Variants in FAM107B observed in about 807,000 individuals in gnomAD.
FAM107B encodes the protein family with sequence similarity 107 member B.
A neutral mutation model predicts 31.5 loss-of-function variants in FAM107B; 21 were observed. The ratio of observed to expected loss-of-function variants is 0.67; its 90% CI spans 0.47 to 0.96. The LOEUF (loss-of-function observed/expected upper bound fraction) is 0.96. Among genes scored for constraint, FAM107B ranks in the 40% least tolerant of loss-of-function variants. The pLI is 0.00. For synonymous variants in FAM107B, 157 were observed against 141.5 expected (o/e 1.11, Z -0.78); for missense variants, 452 against 377.1 (o/e 1.20, Z -1.64).
chr10:14,638,614 T>C (rs1395334929), intron 2 of FAM107B, among the ~76,000 whole-genome samples: 1 of 152,162 alleles, frequency 6.6e-6, no homozygotes, highest in African/African-American at 2.4e-5. Flanking sequence ...CTACCTATTT[T>C]TGCCTGCCTT....
chr10:14,528,681 T>C (rs1846602840), intron 3 of FAM107B, among the ~76,000 whole-genome samples: 2 of 152,208 alleles, frequency 1.3e-5, no homozygotes, highest in Non-Finnish European at 2.9e-5. Context: ...CCCAGCATTG[T>C]CTCAGGTTAG....
intron 1 of FAM107B, among the ~76,000 whole-genome samples, chr10:14,707,253 T>C (rs935780869): frequency 6.6e-6 from 1 of 152,172 alleles, no homozygotes; most frequent in South Asian, 2.1e-4. Context: ...TGTGGAAAGA[T>C]GATTTTAAGT....
At chr10:14,762,520 C>T (rs181064971) in intron 1 of FAM107B, among the ~76,000 whole-genome samples, 18 of 151,984 alleles carry the variant, frequency 1.2e-4, no homozygotes, top group African/African-American at 4.4e-4. Context: ...TATAAGAGGC[C>T]GAGGCAGGCA....
At chr10:14,581,813 G>A (rs565973252) in intron 2 of FAM107B, among the ~76,000 whole-genome samples, 53 of 152,310 alleles carry the variant, frequency 3.5e-4, no homozygotes, top group African/African-American at 1.3e-3. Context: ...TGGGGTGGGA[G>A]GATCACTTGA....
At chr10:14,543,343 C>T (rs1485708931) in intron 2 of FAM107B, among the ~76,000 whole-genome samples, 1 of 152,134 alleles carries the variant, frequency 6.6e-6, no homozygotes, top group East Asian at 1.9e-4. Flanking sequence ...TTCTAAAAAA[C>T]ATGACTGGCA....
chr10:14,557,207 T>C (rs1355999111), intron 2 of FAM107B, among the ~76,000 whole-genome samples: 3 of 152,246 alleles, frequency 2.0e-5, no homozygotes, highest in Admixed American at 6.5e-5. Context: ...GTTTAATTTA[T>C]TGCCAGCCCC....
chr10:14,671,839 C>T (rs1159716480), intron 1 of FAM107B, among the ~76,000 whole-genome samples: 1 of 148,762 alleles, frequency 6.7e-6, no homozygotes, highest in East Asian at 2.0e-4. Context: ...CTGGACTTTT[C>T]CGCATAAGGC....
At chr10:14,707,451 A>T (rs1016589722) in intron 1 of FAM107B, among the ~76,000 whole-genome samples, 2 of 152,180 alleles carry the variant, frequency 1.3e-5, no homozygotes, top group African/African-American at 4.8e-5. Flanking sequence ...GATCTCTAAT[A>T]GGAGCTGAGG....
At chr10:14,667,719 A>AG (rs1229780243) in intron 1 of FAM107B, 28 bp from the exon 2 acceptor site, 3 of 1,613,026 alleles carry the variant, frequency 1.9e-6, no homozygotes, top group Non-Finnish European at 2.5e-6. Flanking sequence ...AAACCAGAAA[A>AG]GCAGGGAGAA....
chr10:14,528,472 G>A (rs1441992472), intron 3 of FAM107B, among the ~76,000 whole-genome samples: 1 of 152,142 alleles, frequency 6.6e-6, no homozygotes, highest in Non-Finnish European at 1.5e-5. Flanking sequence ...GTGATCCACG[G>A]TGCCCAGCCT....
intron 1 of FAM107B, among the ~76,000 whole-genome samples, chr10:14,763,666 G>A (rs1298417077): frequency 1.3e-5 from 2 of 152,142 alleles, no homozygotes; most frequent in African/African-American, 2.4e-5. Flanking sequence ...GAAAAGACCT[G>A]GGGATGAAAG....
chr10:14,604,251 C>G, intron 2 of FAM107B: 1 of 979,624 alleles, frequency 1.0e-6, no homozygotes, highest in African/African-American at 1.8e-5. Flanking sequence ...TCGGCGCGCG[C>G]ACAAAGGCGC....
At chr10:14,596,909 A>C (rs987491599) in intron 2 of FAM107B, among the ~76,000 whole-genome samples, 1 of 152,182 alleles carries the variant, frequency 6.6e-6, no homozygotes, top group Non-Finnish European at 1.5e-5. Flanking sequence ...GAAGTAGGTG[A>C]GTGTGACTAT....
intron 1 of FAM107B, among the ~76,000 whole-genome samples, chr10:14,727,544 C>A (rs1009737471): frequency 2.0e-5 from 3 of 152,228 alleles, no homozygotes; most frequent in African/African-American, 7.2e-5. Flanking sequence ...CCAGGAGCAG[C>A]TCTCAACTGA....
chr10:14,669,232 T>C (rs1299558396), intron 1 of FAM107B, among the ~76,000 whole-genome samples: 4 of 151,908 alleles, frequency 2.6e-5, no homozygotes, highest in Non-Finnish European at 5.9e-5. Flanking sequence ...TAGCTGGGTG[T>C]GGTTTTGCCT....
In FAM107B at chr10:14,613,053, C is replaced by A. The variant is rs1479441331; in HGVS notation, c.469+54581G>T. Among the ~76,000 whole-genome samples, 3 of 152,080 alleles carry A rather than the reference C, an allele frequency of 2.0e-5. 1 individual carries two copies. The East Asian group carries it at 5.8e-4, about 29-fold the overall frequency. ...GCGGCGCAATCTCAGCTCAGTGCAA[C>A]CTCCACCTCCCAGGTTCAAGCAATT... On this transcript the variant is annotated intron_variant, in intron 2 of 4. Transcript: ENST00000181796.
chr10:14,720,041 G>A (rs546196256), intron 1 of FAM107B, among the ~76,000 whole-genome samples: 1 of 149,284 alleles, frequency 6.7e-6, no homozygotes, highest in East Asian at 1.9e-4. Flanking sequence ...ATCTGGGCCT[G>A]AGTTGGGCCA....
intron 2 of FAM107B, among the ~76,000 whole-genome samples, chr10:14,593,268 A>G (rs1466399659): frequency 2.0e-5 from 3 of 152,224 alleles, no homozygotes; most frequent in Non-Finnish European, 4.4e-5. Context: ...AGAGAAAAAC[A>G]TACTAAACGT....
At chr10:14,713,242 T>G (rs1855703003) in intron 1 of FAM107B, among the ~76,000 whole-genome samples, 1 of 152,198 alleles carries the variant, frequency 6.6e-6, no homozygotes, top group South Asian at 2.1e-4. Context: ...GACCCAGCAA[T>G]TCCATAAATG....
Sources: gnomAD v4.1 joint callset for allele counts (sites outside exome capture counted in the v4.1 genomes callset) on GRCh38, gnomAD v4.1.1 for gene constraint, MANE v1.5 for transcripts, NCBI Gene and HGNC (gene_info 2026-07-23, HGNC 2026-07-21) for gene names.